Variants in ROBO2 observed in about 807,000 individuals in gnomAD.
ROBO2 encodes roundabout homolog 2.
A neutral mutation model predicts 160.8 loss-of-function variants in ROBO2; 53 were observed. That is an observed-to-expected ratio of 0.33 (90% CI 0.26 to 0.41). ROBO2 has a LOEUF of 0.41. ROBO2 is among the 10% of genes least tolerant of loss of function. The probability of loss-of-function intolerance (pLI) is 1.00; values close to 1 mark genes in which losing one functional copy is unlikely to be tolerated. For missense variants in ROBO2, 1,577 were observed against 1,722.4 expected, an observed-to-expected ratio of 0.92 and a Z score of 1.49; for synonymous variants, 664 against 611.7, an observed-to-expected ratio of 1.09 and a Z score of -1.26.
At chr3:77,287,525 A>G (rs1042343254) in intron 2 of ROBO2, among the ~76,000 whole-genome samples, 3 of 152,146 alleles carry the variant, frequency 2.0e-5, no homozygotes, top group African/African-American at 4.8e-5. Context: ...TCAAATCTTG[A>G]AGCACGTATT....
At chr3:76,848,430 T>C (rs1473156134) in intron 2 of ROBO2, among the ~76,000 whole-genome samples, 1 of 152,110 alleles carries the variant, frequency 6.6e-6, no homozygotes, top group Non-Finnish European at 1.5e-5. Context: ...TCTTTTCCCA[T>C]AGTTAGGAAG....
chr3:75,935,178 A>G (rs1414408299), intron 1 of ROBO2, among the ~76,000 whole-genome samples: 2 of 152,210 alleles, frequency 1.3e-5, no homozygotes, highest in African/African-American at 2.4e-5. Context: ...GAGATTCATC[A>G]TGTACACAAA....
intron 2 of ROBO2, among the ~76,000 whole-genome samples, chr3:76,794,847 C>T (rs1470174304): frequency 6.6e-6 from 1 of 151,956 alleles, no homozygotes; most frequent in South Asian, 2.1e-4. Flanking sequence ...TTTTCTAAGA[C>T]ACAATTTTCT....
intron 2 of ROBO2, among the ~76,000 whole-genome samples, chr3:76,347,056 A>T (rs1045447175): frequency 2.0e-5 from 3 of 146,608 alleles, no homozygotes; most frequent in South Asian, 2.1e-4. Context: ...CAGACAAAAT[A>T]AAAAAAAAAT....
chr3:76,399,688 A>G lies in ROBO2; in HGVS notation c.109+462086A>G, dbSNP rs376176054. 1.8e-4 allele frequency among the ~76,000 whole-genome samples: 28 copies of G among 151,892 alleles called. No individual in the cohort carries two copies. In the South Asian group the frequency reaches 5.4e-3, roughly 29 times the overall value. ...GTAATAACATTAAGCATCAGGAAGTATGAGGCTTTGCCAAAGAATAAGGGA... is the reference window on the plus strand; with the variant it reads ...GTAATAACATTAAGCATCAGGAAGTGTGAGGCTTTGCCAAAGAATAAGGGA... On this transcript the variant is annotated intron_variant, in intron 2 of 26. Transcript: ENST00000487694.
At chr3:77,443,213 G>A (rs1180905951) in intron 2 of ROBO2, among the ~76,000 whole-genome samples, 1 of 151,768 alleles carries the variant, frequency 6.6e-6, no homozygotes, top group African/African-American at 2.4e-5. Context: ...GCCCTGAACT[G>A]TTTATAGAAC....
intron 2 of ROBO2, among the ~76,000 whole-genome samples, chr3:77,154,708 TC>T (rs1248115508): frequency 6.6e-6 from 1 of 151,994 alleles, no homozygotes; most frequent in African/African-American, 2.4e-5. Context: ...GAAAATCATA[TC>T]TTCTGCAGCA....
At chr3:76,312,759 G>A (rs1230207071) in intron 2 of ROBO2, among the ~76,000 whole-genome samples, 1 of 152,182 alleles carries the variant, frequency 6.6e-6, no homozygotes, top group Non-Finnish European at 1.5e-5. Flanking sequence ...AGTACCTATA[G>A]CATGTCAAAG....
At chr3:76,944,927 T>C (rs7428362) in intron 2 of ROBO2, among the ~76,000 whole-genome samples, 74,440 of 151,218 alleles carry the variant, frequency 0.49, 19,424 homozygotes, top group African/African-American at 0.68. Context: ...CTCGCTCTGT[T>C]GCCCAGGCTG....
At chr3:77,219,461 T>TATATA in intron 2 of ROBO2, among the ~76,000 whole-genome samples, 1 of 109,636 alleles carries the variant, frequency 9.1e-6, no homozygotes, top group African/African-American at 3.4e-5. Context: ...TATATATATG[T>TATATA]ATCTGTGTAT....
chr3:77,106,720 C>G (rs1481018203), intron 2 of ROBO2, among the ~76,000 whole-genome samples: 1 of 152,166 alleles, frequency 6.6e-6, no homozygotes, highest in Non-Finnish European at 1.5e-5. Context: ...AAGATATTCT[C>G]TCCACTATAT....
chr3:76,646,585 T>C (rs904153890), intron 2 of ROBO2, among the ~76,000 whole-genome samples: 1 of 152,192 alleles, frequency 6.6e-6, no homozygotes, highest in Non-Finnish European at 1.5e-5. Context: ...AATATGAATA[T>C]GCAATTAAAG....
intron 2 of ROBO2, among the ~76,000 whole-genome samples, chr3:77,309,995 C>CT: frequency 6.6e-6 from 1 of 152,216 alleles, no homozygotes; most frequent in Non-Finnish European, 1.5e-5. Flanking sequence ...GACAGTAGCT[C>CT]TTTTTTCCAT....
chr3:77,049,314 A>G (rs189417612), intron 1 of ROBO2, among the ~76,000 whole-genome samples: 20 of 152,166 alleles, frequency 1.3e-4, no homozygotes, highest in African/African-American at 4.8e-4. Flanking sequence ...TGGGTGACAG[A>G]GGCCCCGTCT....
intron 2 of ROBO2, among the ~76,000 whole-genome samples, chr3:76,347,074 G>T (rs1001134213): frequency 3.9e-5 from 6 of 152,072 alleles, no homozygotes; most frequent in Admixed American, 3.9e-4. Flanking sequence ...AATGGATTAT[G>T]TCTCTTTACG....
At chr3:76,130,340 A>G (rs1200490376) in intron 2 of ROBO2, among the ~76,000 whole-genome samples, 2 of 152,164 alleles carry the variant, frequency 1.3e-5, no homozygotes, top group African/African-American at 2.4e-5. Flanking sequence ...GCTTTTGTTT[A>G]TGCCGCTATA....
intron 2 of ROBO2, among the ~76,000 whole-genome samples, chr3:76,385,599 A>C (rs965677529): frequency 1.3e-5 from 2 of 152,228 alleles, no homozygotes; most frequent in African/African-American, 4.8e-5. Flanking sequence ...GCAAAAATAG[A>C]ATTTGCATAA....
At chr3:77,157,333 T>C (rs57538700) in intron 2 of ROBO2, among the ~76,000 whole-genome samples, 46,796 of 151,772 alleles carry the variant, frequency 0.31, 8,557 homozygotes, top group Middle Eastern at 0.46. Flanking sequence ...TTAAAATATC[T>C]AAAATTCAAT....
chr3:76,978,943 TTA>T lies in ROBO2; in HGVS notation c.110-119070_110-119069del, dbSNP rs1559792439. The stretch of plus-strand genomic sequence containing the variant: ...TTTTTTTTGTTTGTTTGTTTGTTTT[TTA>T]AAAAAAAAAAAAAGAAAAACAGGGT... On this transcript the variant is annotated intron_variant, in intron 2 of 26. Transcript: ENST00000487694. 7.6e-5 allele frequency among the ~76,000 whole-genome samples: 11 copies of T among 145,674 alleles called. No homozygotes were observed. The East Asian group carries it at 2.2e-3, about 30-fold the overall frequency.
Sources: gnomAD v4.1 joint callset for allele counts (sites outside exome capture counted in the v4.1 genomes callset) on GRCh38, gnomAD v4.1.1 for gene constraint, MANE v1.5 for transcripts, NCBI Gene and HGNC (gene_info 2026-07-23, HGNC 2026-07-21) for gene names.